Variants in CACFD1 observed in about 807,000 individuals in gnomAD.
The protein encoded by CACFD1 is calcium channel flower domain containing 1.
In CACFD1, 26 loss-of-function variants were observed where a neutral mutation model predicts 21.3. The observed-to-expected ratio is 1.22, with a 90% CI of 0.89 to 1.69. The LOEUF (loss-of-function observed/expected upper bound fraction) is 1.69, where lower values mean the gene tolerates loss of function less well. Ranked by LOEUF, CACFD1 falls within the 40% of genes most tolerant of loss-of-function variation. CACFD1 has a pLI of 0.00. For synonymous variants in CACFD1, 121 were observed against 106.6 expected, an observed-to-expected ratio of 1.13 and a Z score of -0.83; for missense variants, 265 against 236.2, an observed-to-expected ratio of 1.12 and a Z score of -0.80.
intron 1 of CACFD1, chr9:133,462,194 A>T (rs1279474203): frequency 6.9e-6 from 9 of 1,304,274 alleles, no homozygotes; most frequent in Non-Finnish European, 9.1e-6. Flanking sequence ...TGCTGACTGC[A>T]GCAGGAAGCA....
rs587630681 is a variant in CACFD1 at position 133,463,544 on chromosome 9, C to T, written c.183C>T (p.Gly61=). ...TCCACCCTCTGAACATTGCGGCCGG[C>T]GTGTGGATGATGTGAGTAATGCATG... is the stretch of plus-strand genomic sequence containing the variant. ...ITIHPLNIAA[G]VWMIMNAFIL... is the part of the protein sequence containing the mutation. Residue 61 remains glycine, a synonymous_variant, in exon 2 of 5, where the codon GGC becomes GGT. Transcript: ENST00000316948. 2.6e-5 allele frequency: 42 copies of T among 1,614,026 alleles called. No homozygotes were observed. In the East Asian group the frequency reaches 2.9e-4, roughly 11 times the overall value.
rs782142347 is a variant in CACFD1, at chr9:133,460,090, C to T, written c.24C>T (p.Pro8=). 6.4e-7 allele frequency: 1 copy of T among 1,562,374 alleles called. No individual in the cohort carries two copies. Among genetic ancestry groups the T allele is most frequent in the Non-Finnish European group, 8.7e-7 (1 of 1,153,462 alleles). ...CCATGAGCAGCTCAGGTGGGGCGCC[C>T]GGGGCGTCCGCCAGCTCTGCGCCGC... is the stretch of plus-strand genomic sequence containing the variant. The part of the protein sequence containing the change: MSSSGGA[P]GASASSAPPA... Residue 8 remains proline, a synonymous_variant, in exon 1 of 5, where the codon CCC becomes CCT. Transcript: ENST00000316948.
chr9:133,464,719 G>A (rs1051704224), intron 2 of CACFD1, among the ~76,000 whole-genome samples: 5 of 152,156 alleles, frequency 3.3e-5, no homozygotes, highest in African/African-American at 1.2e-4. Context: ...CAAACATAGG[G>A]CTGGATGCAA....
chr9:133,468,007 G>T lies in CACFD1; in HGVS notation c.407G>T (p.Gly136Val). 1 of 1,613,854 alleles carries T rather than the reference G, an allele frequency of 6.2e-7. No homozygotes were observed. Among genetic ancestry groups the T allele is most frequent in the Non-Finnish European group, 8.5e-7 (1 of 1,179,956 alleles). ...AIAFATGVLY[G>V]LSALGKKGDA... is the part of the protein sequence containing the mutation. ...GCCTTTGCTACGGGGGTGCTGTACGGACTCTCTGCTCTGGGCAAAAAGTGC... is the reference window on the plus strand; with the variant it reads ...GCCTTTGCTACGGGGGTGCTGTACGTACTCTCTGCTCTGGGCAAAAAGTGC... The change falls in exon 4 of 5, where the codon GGA becomes GTA. Residue 136 changes from glycine to valine, a missense_variant. Physicochemically the swap from Gly to Val is moderately radical, Grantham distance 109. Coordinates refer to ENST00000316948, the MANE Select transcript of CACFD1 (RefSeq NM_017586.5).
chr9:133,462,082 G>A (rs1843241058), intron 1 of CACFD1: 5 of 1,301,574 alleles, frequency 3.8e-6, no homozygotes, highest in Non-Finnish European at 5.1e-6. Flanking sequence ...TATTGCTAAA[G>A]GATTCCTGGC....
Position 133,460,205 on chromosome 9 carries a change from G to T in CACFD1, c.121+18G>T, listed in dbSNP as rs985777177. On this transcript the variant is annotated intron_variant, in intron 1 of 4. Coordinates refer to ENST00000316948, the MANE Select transcript of CACFD1 (RefSeq NM_017586.5). ...GGCAGTCTGTGAGTATCCAGTCGGGGAGAGGGGCCGGCCCCGCCGCGCATG... is the reference window on the plus strand; with the variant it reads ...GGCAGTCTGTGAGTATCCAGTCGGGTAGAGGGGCCGGCCCCGCCGCGCATG... The T allele has an allele frequency of 6.6e-6, 10 of 1,520,118 alleles. No homozygotes were observed. The highest frequency in any genetic ancestry group is 8.8e-6 in the Non-Finnish European group (10 of 1,135,942). The allele number at this position is 1,520,118 out of a possible 1,614,324, so 94.2% of individuals were successfully genotyped here. A position where few individuals can be genotyped will look rare whatever the true frequency, so the allele number is the denominator to read the frequency against.
rs1204098894 is a variant in CACFD1 at position 133,468,978 on chromosome 9, C to T, written c.*325C>T. On this transcript the variant is annotated 3_prime_UTR_variant, in exon 5 of 5. Transcript: ENST00000316948. ...CCTGCTGTGACCTGGGAGCAGCTTC[C>T]CCTGGAGATGCTGGTCCTGGCTTGA... 2 of 379,742 alleles carry T rather than the reference C, an allele frequency of 5.3e-6. No individual in the cohort carries two copies. Among genetic ancestry groups the T allele is most frequent in the Non-Finnish European group, 9.4e-6 (2 of 213,156 alleles). 23.5% of individuals were successfully genotyped at this position (379,742 alleles called of 1,614,324 possible).
At chr9:133,467,754 G>C (rs982723029) in intron 3 of CACFD1, among the ~76,000 whole-genome samples, 167 bp from the exon 4 acceptor site, 1 of 152,250 alleles carries the variant, frequency 6.6e-6, no homozygotes, top group Admixed American at 6.5e-5. Context: ...TTACAGACAA[G>C]TTCAGGGCTG....
At position 133,470,189 on chromosome 9, in the gene CACFD1, CTG is replaced by C. The variant is rs36075119; in HGVS notation, c.*1572_*1573del. ...TCAGGCCAGTGCTGGGTTCAAAGGG[CTG>C]TGTGTGTGTGTGTGTGTGTGTGTGT... is the stretch of plus-strand genomic sequence containing the variant. On this transcript the variant is annotated 3_prime_UTR_variant, in exon 5 of 5. Coordinates refer to ENST00000316948, the MANE Select transcript of CACFD1 (RefSeq NM_017586.5). 5,303 of 149,706 alleles carry C rather than the reference CTG, an allele frequency of 0.035. 196 individuals carry two copies. Among genetic ancestry groups the C allele is most frequent in the African/African-American group, 0.098 (3,970 of 40,616 alleles). The allele number at this position is 149,706 out of a possible 1,614,324, so 9.3% of individuals were successfully genotyped here.
At chr9:133,468,405 G>T (rs587751094) in intron 4 of CACFD1, 158 bp from the exon 5 acceptor site, 2 of 1,535,856 alleles carry the variant, frequency 1.3e-6, no homozygotes, top group Non-Finnish European at 1.7e-6. Context: ...TTCTCAGAGG[G>T]GACAAGACAG....
intron 1 of CACFD1, among the ~76,000 whole-genome samples, chr9:133,461,119 C>T (rs1057058710): frequency 3.3e-5 from 5 of 152,248 alleles, no homozygotes; most frequent in African/African-American, 1.2e-4. Context: ...TCGAGGATGT[C>T]TGCAGGTTTT....
At chr9:133,461,310 C>A (rs980418053) in intron 1 of CACFD1, among the ~76,000 whole-genome samples, 1 of 152,178 alleles carries the variant, frequency 6.6e-6, no homozygotes, top group East Asian at 1.9e-4. Flanking sequence ...GTGCTGCCCT[C>A]GCTAGGCATG....
chr9:133,460,211 G>C (rs1393534547), intron 1 of CACFD1, 24 bp downstream of exon 1: 1 of 1,510,030 alleles, frequency 6.6e-7, no homozygotes, highest in African/African-American at 1.4e-5. Context: ...CGGGGAGAGG[G>C]GCCGGCCCCG....
rs1397895043 is a variant in CACFD1 at position 133,460,037 on chromosome 9, G to C, written c.-30G>C. ...CGGCCGGCTACCGAGCCCTTTGTGA[G>C]GGCTGTGAGCTGCGCCTGACGGTGG... is the stretch of plus-strand genomic sequence containing the variant. On this transcript the variant is annotated 5_prime_UTR_variant, in exon 1 of 5. Coordinates refer to ENST00000316948, the MANE Select transcript of CACFD1 (RefSeq NM_017586.5). 39 of 1,530,710 alleles carry C rather than the reference G, an allele frequency of 2.5e-5. No homozygotes were observed. The highest frequency in any genetic ancestry group is 1.8e-4 in the Middle Eastern group (1 of 5,704). 94.8% of individuals were successfully genotyped at this position (1,530,710 alleles called of 1,614,324 possible). A position where few individuals can be genotyped will look rare whatever the true frequency, so the allele number is the denominator to read the frequency against.
At position 133,460,471 on chromosome 9, in the gene CACFD1, C is replaced by CGGCGGGGGCGGG. The variant is rs55944944; in HGVS notation, c.121+287_121+298dup. Reference sequence around the variant, plus strand: ...GACCAGAAACCCCAGGGCGGGGGGGCGGCGGGGGCGGGGGTGGGGCACCGG... The same window carrying CGGCGGGGGCGGG: ...GACCAGAAACCCCAGGGCGGGGGGGCGGCGGGGGCGGGGGCGGGGGCGGGGGTGGGGCACCGG... On this transcript the variant is annotated intron_variant, in intron 1 of 4. Coordinates refer to ENST00000316948, the MANE Select transcript of CACFD1 (RefSeq NM_017586.5). 2.8e-3 allele frequency among the ~76,000 whole-genome samples: 350 copies of CGGCGGGGGCGGG among 125,888 alleles called. 9 individuals are homozygous for CGGCGGGGGCGGG. Among genetic ancestry groups the CGGCGGGGGCGGG allele is most frequent in the Middle Eastern group, 8.0e-3 (2 of 250 alleles). 82.6% of individuals were successfully genotyped at this position (125,888 alleles called of 152,430 possible).
Position 133,460,101 on chromosome 9 carries a change from CCAGCT to C in CACFD1, c.37_41del (p.Ser13CysfsTer61). The C allele has an allele frequency of 6.4e-7, 1 of 1,563,292 alleles. No individual in the cohort carries two copies. The highest frequency in any genetic ancestry group is 8.7e-7 in the Non-Finnish European group (1 of 1,153,622). Reference sequence around the variant, plus strand: ...TCAGGTGGGGCGCCCGGGGCGTCCGCCAGCTCTGCGCCGCCCGCGCAGGAAGAGGG... The same window carrying C: ...TCAGGTGGGGCGCCCGGGGCGTCCGCCTGCGCCGCCCGCGCAGGAAGAGGG... On this transcript the variant is annotated frameshift_variant, in exon 1 of 5. Transcript: ENST00000316948. LOFTEE classifies it high-confidence loss of function.
At chr9:133,460,298 G>A (rs1421135937) in intron 1 of CACFD1, 111 bp downstream of exon 1, 2 of 1,012,838 alleles carry the variant, frequency 2.0e-6, no homozygotes, top group Non-Finnish European at 2.6e-6. Context: ...CTGGGGGTCG[G>A]GGGTCTGCCG....
chr9:133,468,872 C>G lies in CACFD1; in HGVS notation c.*219C>G. The G allele has an allele frequency of 1.4e-6, 1 of 729,406 alleles. No individual in the cohort carries two copies. Among genetic ancestry groups the G allele is most frequent in the Non-Finnish European group, 2.1e-6 (1 of 465,284 alleles). The allele number at this position is 729,406 out of a possible 1,614,324, so 45.2% of individuals were successfully genotyped here. A position where few individuals can be genotyped will look rare whatever the true frequency, so the allele number is the denominator to read the frequency against. ...GCTGGACTTGAGGCAGAGCCTGCAG[C>G]AGCTGTGTGGACACTACCCAGCCCT... On this transcript the variant is annotated 3_prime_UTR_variant, in exon 5 of 5. Coordinates refer to ENST00000316948, the MANE Select transcript of CACFD1 (RefSeq NM_017586.5).
At chr9:133,463,645 T>C in intron 2 of CACFD1, 90 bp downstream of exon 2, 1 of 1,359,894 alleles carries the variant, frequency 7.4e-7, no homozygotes, top group Non-Finnish European at 1.0e-6. Context: ...GCAGGGGCCG[T>C]GGGAGTGGGC....
Sources: gnomAD v4.1 joint callset for allele counts (sites outside exome capture counted in the v4.1 genomes callset) on GRCh38, gnomAD v4.1.1 for gene constraint, MANE v1.5 for transcripts, NCBI Gene and HGNC (gene_info 2026-07-23, HGNC 2026-07-21) for gene names.